The following ATXN2 variants were observed in gnomAD, a reference collection of about 807,000 sequenced individuals.
ATXN2 encodes ataxin 2.
Under a neutral mutation model 138.6 loss-of-function variants are expected in ATXN2, and 37 were observed. That is an observed-to-expected ratio of 0.27 (90% confidence interval 0.21 to 0.35). ATXN2 has a LOEUF of 0.35. Among genes scored for constraint, ATXN2 ranks in the 10% least tolerant of loss-of-function variants. The pLI is 1.00. For synonymous variants in ATXN2, 549 were observed against 543.7 expected (o/e 1.01, Z -0.13); for missense variants, 1,216 against 1,480.3 (o/e 0.82, Z 2.93).
chr12:111,550,987 T>A (rs1487751517), intron 5 of ATXN2, among the ~76,000 whole-genome samples: 2 of 152,196 alleles, frequency 1.3e-5, no homozygotes, highest in Non-Finnish European at 2.9e-5. Flanking sequence ...GAATTTGGCA[T>A]ATACAAATAA....
At chr12:111,546,387 C>G (rs1881799745) in intron 5 of ATXN2, among the ~76,000 whole-genome samples, 1 of 152,244 alleles carries the variant, frequency 6.6e-6, no homozygotes, top group Non-Finnish European at 1.5e-5. Context: ...GCTACAACTA[C>G]TCAACTCTAT....
chr12:111,535,892 T>C (rs1231360502), intron 5 of ATXN2, among the ~76,000 whole-genome samples: 1 of 145,056 alleles, frequency 6.9e-6, no homozygotes, highest in Non-Finnish European at 1.5e-5. Flanking sequence ...CCCAGCTACT[T>C]GGGAGGCTGA....
chr12:111,458,359 C>T (rs921810790), intron 21 of ATXN2: 1 of 152,208 alleles, frequency 6.6e-6, no homozygotes, highest in Non-Finnish European at 1.5e-5. Flanking sequence ...AACTCCTGAC[C>T]TCAAATGATC....
intron 1 of ATXN2, among the ~76,000 whole-genome samples, chr12:111,586,394 T>G (rs1371520656): frequency 6.9e-6 from 1 of 145,448 alleles, no homozygotes; most frequent in Non-Finnish European, 1.5e-5. Flanking sequence ...TCTGGTTTTT[T>G]TTTTTTTTTT....
chr12:111,477,201 T>C (rs1249739716), intron 18 of ATXN2, among the ~76,000 whole-genome samples: 1 of 105,420 alleles, frequency 9.5e-6, no homozygotes, highest in Admixed American at 9.4e-5. Flanking sequence ...AAAAAAAAAA[T>C]ACAAATTAGC....
chr12:111,559,601 G>A (rs1882565591), intron 1 of ATXN2, among the ~76,000 whole-genome samples: 2 of 150,978 alleles, frequency 1.3e-5, no homozygotes, highest in South Asian at 2.1e-4. Flanking sequence ...GTGAAACCCC[G>A]TTTCTACTAA....
intron 21 of ATXN2, among the ~76,000 whole-genome samples, chr12:111,463,542 A>G (rs1593098635): frequency 6.6e-6 from 1 of 152,136 alleles, no homozygotes; most frequent in Non-Finnish European, 1.5e-5. Flanking sequence ...CTCCCAAAGT[A>G]CTGGGATTAC....
intron 5 of ATXN2, among the ~76,000 whole-genome samples, chr12:111,541,558 T>C (rs1881520497): frequency 6.8e-6 from 1 of 147,352 alleles, no homozygotes; most frequent in Non-Finnish European, 1.5e-5. Context: ...TCCATGTTGG[T>C]CAGGCTGGTC....
In ATXN2 at chr12:111,452,806, G is replaced by C. The variant is rs757254794; in HGVS notation, c.*6C>G. The C allele has an allele frequency of 8.7e-6, 14 of 1,613,816 alleles. No individual in the cohort carries two copies. The highest frequency in any genetic ancestry group is 1.2e-5 in the Non-Finnish European group (14 of 1,179,882). ...AATTTGGCCTTTCGGTTCCTCCAGGGCAGCCTTACAACTGCTGTTGGTGGT... is the reference window on the plus strand; with the variant it reads ...AATTTGGCCTTTCGGTTCCTCCAGGCCAGCCTTACAACTGCTGTTGGTGGT... On this transcript the variant is annotated 3_prime_UTR_variant, in exon 25 of 25. Transcript: ENST00000673436.
rs1423425514 is a variant in ATXN2, at chr12:111,452,705, A to G, written c.*107T>C. On this transcript the variant is annotated 3_prime_UTR_variant, in exon 25 of 25. Coordinates refer to ENST00000673436, the MANE Select transcript of ATXN2 (RefSeq NM_001372574.1). ...TGGATGTTACAAGAAATCAACATAT[A>G]TATTTTAAAAACAAAATAAATGAAA... 2.4e-6 allele frequency: 3 copies of G among 1,246,058 alleles called. No individual in the cohort carries two copies. Among genetic ancestry groups the G allele is most frequent in the East Asian group, 2.4e-5 (1 of 42,382 alleles). The allele number at this position is 1,246,058 out of a possible 1,614,324, so 77.2% of individuals were successfully genotyped here.
chr12:111,540,455 A>G (rs1881433112), intron 5 of ATXN2, among the ~76,000 whole-genome samples: 1 of 150,670 alleles, frequency 6.6e-6, no homozygotes, highest in South Asian at 2.1e-4. Context: ...ACTAAGTAGT[A>G]GTAATCTTTC....
rs1874701720 is a variant in ATXN2 at position 111,452,238 on chromosome 12, T to G, written c.*574A>C. On this transcript the variant is annotated 3_prime_UTR_variant, in exon 25 of 25. Transcript: ENST00000673436. ...ATCAGTTTTTAAAACTTTTTTTATT[T>G]TTTAAATTTTTTTTAAGTTTTTATT... 6.6e-6 allele frequency: 1 copy of G among 152,474 alleles called. No homozygotes were observed. Among genetic ancestry groups the G allele is most frequent in the Non-Finnish European group, 1.5e-5 (1 of 68,042 alleles). 9.4% of individuals were successfully genotyped at this position (152,474 alleles called of 1,614,324 possible).
In ATXN2 at chr12:111,500,651, G is replaced by A. The variant is rs1353318554; in HGVS notation, c.1935+8898C>T. 2.0e-5 allele frequency among the ~76,000 whole-genome samples: 3 copies of A among 152,306 alleles called. No individual in the cohort carries two copies. The South Asian group carries it at 6.2e-4, about 32-fold the overall frequency. On this transcript the variant is annotated intron_variant, in intron 14 of 24. Transcript: ENST00000673436. ...GCACTTTGGGAGGCTGTGGCAGCCG[G>A]ATCACAAGGTCAAGAGATCAAGACC...
chr12:111,501,281 C>T (rs1878744180), intron 14 of ATXN2, among the ~76,000 whole-genome samples: 2 of 152,088 alleles, frequency 1.3e-5, no homozygotes, highest in Non-Finnish European at 2.9e-5. Context: ...AATGCTACCA[C>T]TGGCTGAAGA....
chr12:111,457,268 A>G lies in ATXN2; in HGVS notation c.2988T>C (p.Thr996=). The G allele has an allele frequency of 1.9e-6, 3 of 1,614,098 alleles. No individual in the cohort carries two copies. Among genetic ancestry groups the G allele is most frequent in the Non-Finnish European group, 1.7e-6 (2 of 1,179,998 alleles). ...TPHPQPSATP[T]GQQQSQHGGS... Reference sequence around the variant, plus strand: ...CACCATGTTGGCTTTGCTGCTGTCCAGTGGGGGTAGCTGAAGGCTGAGGGT... The same window carrying G: ...CACCATGTTGGCTTTGCTGCTGTCCGGTGGGGGTAGCTGAAGGCTGAGGGT... Residue 996 remains threonine, a synonymous_variant, in exon 22 of 25, where the codon ACT becomes ACC. Coordinates refer to ENST00000673436, the MANE Select transcript of ATXN2 (RefSeq NM_001372574.1).
At chr12:111,591,061 T>A (rs1275531904) in intron 1 of ATXN2, among the ~76,000 whole-genome samples, 4 of 151,984 alleles carry the variant, frequency 2.6e-5, no homozygotes, top group Non-Finnish European at 5.9e-5. Context: ...AGCTAATTTT[T>A]TTGTATTTTT....
intron 14 of ATXN2, among the ~76,000 whole-genome samples, chr12:111,507,431 C>G (rs1460167101): frequency 6.6e-6 from 1 of 152,076 alleles, no homozygotes; most frequent in Admixed American, 6.5e-5. Flanking sequence ...CGCCTGGCAG[C>G]CACCCCGTCT....
rs1019842034 is a variant in ATXN2, at chr12:111,599,156, G to T, written c.-122C>A. ...GCCGAGCGGGGAGGCGCGGGTTGGC[G>T]CGGCCGGAGGGGCGCCCGGGCTGGC... On this transcript the variant is annotated 5_prime_UTR_variant, in exon 1 of 25. Coordinates refer to ENST00000673436, the MANE Select transcript of ATXN2 (RefSeq NM_001372574.1). 1 of 1,209,962 alleles carries T rather than the reference G, an allele frequency of 8.3e-7. No homozygotes were observed. The allele number at this position is 1,209,962 out of a possible 1,614,324, so 75.0% of individuals were successfully genotyped here. A position where few individuals can be genotyped will look rare whatever the true frequency, so the allele number is the denominator to read the frequency against.
intron 5 of ATXN2, among the ~76,000 whole-genome samples, chr12:111,547,166 C>G (rs1325328157): frequency 6.6e-6 from 1 of 152,208 alleles, no homozygotes; most frequent in Non-Finnish European, 1.5e-5. Context: ...TGGTGGCTCA[C>G]GCCTGTAATC....
Sources: gnomAD v4.1 joint callset for allele counts (sites outside exome capture counted in the v4.1 genomes callset) on GRCh38, gnomAD v4.1.1 for gene constraint, MANE v1.5 for transcripts, NCBI Gene and HGNC (gene_info 2026-07-23, HGNC 2026-07-21) for gene names.